Variants in HIBADH observed in about 807,000 individuals in gnomAD.
HIBADH encodes 3-hydroxyisobutyrate dehydrogenase, mitochondrial.
HIBADH carries 25 observed loss-of-function variants against 36.1 expected under a neutral mutation model. That is an observed-to-expected ratio of 0.69 (90% CI 0.50 to 0.97). HIBADH has a LOEUF of 0.97. HIBADH is among the 50% of genes least tolerant of loss of function. HIBADH has a pLI of 0.00. For missense variants in HIBADH, 421 were observed against 418.0 expected (o/e 1.01, Z -0.06); for synonymous variants, 160 against 149.5 (o/e 1.07, Z -0.51).
chr7:27,598,005 G>A (rs1293867881), intron 4 of HIBADH, among the ~76,000 whole-genome samples: 1 of 152,142 alleles, frequency 6.6e-6, no homozygotes, highest in Non-Finnish European at 1.5e-5. Flanking sequence ...GTCTCTAAAT[G>A]CCAAGCAATG....
intron 4 of HIBADH, among the ~76,000 whole-genome samples, chr7:27,589,825 A>G (rs1288254167): frequency 6.6e-6 from 1 of 152,110 alleles, no homozygotes; most frequent in African/African-American, 2.4e-5. Flanking sequence ...ATGTGAACAT[A>G]CCCAAGTCAT....
intron 4 of HIBADH, among the ~76,000 whole-genome samples, chr7:27,547,293 CTG>C (rs1784247571): frequency 6.6e-6 from 1 of 152,214 alleles, no homozygotes; most frequent in African/African-American, 2.4e-5. Context: ...ATTCAGGCCT[CTG>C]TTCAAAATTC....
intron 1 of HIBADH, among the ~76,000 whole-genome samples, chr7:27,658,300 C>G (rs1298112598): frequency 2.0e-5 from 3 of 152,094 alleles, no homozygotes; most frequent in Non-Finnish European, 4.4e-5. Context: ...TAAAACCAAG[C>G]TGGGAGAAAA....
chr7:27,601,929 T>C (rs1319404597), intron 4 of HIBADH, among the ~76,000 whole-genome samples: 1 of 152,054 alleles, frequency 6.6e-6, no homozygotes, highest in Non-Finnish European at 1.5e-5. Context: ...GTGGGGTCAT[T>C]GAATGGTGTG....
chr7:27,635,839 T>C (rs893290600), intron 2 of HIBADH, among the ~76,000 whole-genome samples: 1 of 152,240 alleles, frequency 6.6e-6, no homozygotes, highest in Non-Finnish European at 1.5e-5. Flanking sequence ...TATACTATTA[T>C]GAATTAAGAT....
chr7:27,567,312 CTTTGT>C (rs902638822), intron 4 of HIBADH, among the ~76,000 whole-genome samples: 35 of 152,152 alleles, frequency 2.3e-4, no homozygotes, highest in African/African-American at 7.9e-4. Context: ...TTTCCTTGCT[CTTTGT>C]TTTGACTAGT....
chr7:27,600,169 G>T (rs2128290169), intron 4 of HIBADH, among the ~76,000 whole-genome samples: 1 of 152,052 alleles, frequency 6.6e-6, no homozygotes, highest in Non-Finnish European at 1.5e-5. Flanking sequence ...ACTGTCATAT[G>T]TTCACTTAGC....
intron 4 of HIBADH, among the ~76,000 whole-genome samples, chr7:27,595,335 G>A (rs760711098): frequency 1.3e-5 from 2 of 152,066 alleles, no homozygotes; most frequent in Non-Finnish European, 2.9e-5. Context: ...TGGCCAACAT[G>A]ACAAAACCCC....
intron 4 of HIBADH, among the ~76,000 whole-genome samples, chr7:27,553,749 G>A (rs7780431): frequency 0.76 from 115,264 of 152,192 alleles, 44,059 homozygotes; most frequent in East Asian, 0.94. Flanking sequence ...AAGCTAAATA[G>A]CTGGAGCACA....
intron 4 of HIBADH, among the ~76,000 whole-genome samples, chr7:27,581,382 T>C (rs560694225): frequency 1.5e-4 from 23 of 152,262 alleles, no homozygotes; most frequent in Non-Finnish European, 2.6e-4. Flanking sequence ...AGCTAGGACA[T>C]GAAGAGGGTA....
rs189015731 is a variant in HIBADH at position 27,661,325 on chromosome 7, C to T, written c.91+1373G>A. On this transcript the variant is annotated intron_variant, in intron 1 of 7. Transcript: ENST00000265395. ...GAAAGTTCTTACAATTCCTGGCCAG[C>T]CACAGTGGTTCATGCCTATAATCCC... is the stretch of plus-strand genomic sequence containing the variant. 2.6e-5 allele frequency among the ~76,000 whole-genome samples: 4 copies of T among 152,214 alleles called. No individual in the cohort carries two copies. In the East Asian group the frequency reaches 7.7e-4, roughly 29 times the overall value.
At chr7:27,527,133 G>A (rs916807885) in intron 7 of HIBADH, among the ~76,000 whole-genome samples, 1 of 152,074 alleles carries the variant, frequency 6.6e-6, no homozygotes, top group South Asian at 2.1e-4. Context: ...AGTTCAGCAC[G>A]ATGAAAGCAA....
intron 4 of HIBADH, among the ~76,000 whole-genome samples, chr7:27,571,532 A>ATTTCT (rs1390833915): frequency 2.0e-5 from 3 of 151,920 alleles, no homozygotes; most frequent in Non-Finnish European, 4.4e-5. Flanking sequence ...GCTATCTTTT[A>ATTTCT]TTTCTTTAAA....
chr7:27,598,074 A>T (rs1785060585), intron 4 of HIBADH, among the ~76,000 whole-genome samples: 1 of 152,242 alleles, frequency 6.6e-6, no homozygotes, highest in Non-Finnish European at 1.5e-5. Context: ...GAATTTAATC[A>T]ATCAAAAATT....
intron 4 of HIBADH, among the ~76,000 whole-genome samples, chr7:27,543,583 A>G (rs1784190908): frequency 6.6e-6 from 1 of 152,214 alleles, no homozygotes; most frequent in African/African-American, 2.4e-5. Context: ...AGTGAGATCT[A>G]CAAAGAGGGA....
At chr7:27,655,349 G>T (rs1047210091) in intron 1 of HIBADH, among the ~76,000 whole-genome samples, 1 of 152,194 alleles carries the variant, frequency 6.6e-6, no homozygotes. Context: ...CTCATTCTTA[G>T]ATTCATGCTG....
chr7:27,627,355 C>T (rs1278829547), intron 4 of HIBADH, among the ~76,000 whole-genome samples: 1 of 152,154 alleles, frequency 6.6e-6, no homozygotes. Flanking sequence ...CTTGACCAAT[C>T]AGCAATCCCC....
chr7:27,599,233 G>A (rs1263739914), intron 4 of HIBADH, among the ~76,000 whole-genome samples: 1 of 152,056 alleles, frequency 6.6e-6, no homozygotes, highest in Admixed American at 6.5e-5. Flanking sequence ...TTTATCAAAT[G>A]CATTCCTTAG....
At chr7:27,653,544 G>A (rs1169947018) in intron 1 of HIBADH, among the ~76,000 whole-genome samples, 1 of 152,090 alleles carries the variant, frequency 6.6e-6, no homozygotes, top group African/African-American at 2.4e-5. Flanking sequence ...GACCATCGTG[G>A]CTAACATGGT....
Sources: allele counts gnomAD v4.1 joint callset (sites outside exome capture counted in the v4.1 genomes callset), GRCh38; gene constraint gnomAD v4.1.1; transcripts MANE v1.5; gene names NCBI Gene and HGNC (gene_info 2026-07-23, HGNC 2026-07-21).